The following NBEAL1 variants were observed in gnomAD, a reference collection of about 807,000 sequenced individuals.
NBEAL1 encodes neurobeachin-like protein 1.
In NBEAL1, 273 loss-of-function variants were observed where a neutral mutation model predicts 351.3. That is an observed-to-expected ratio of 0.78 (90% confidence interval 0.70 to 0.86). NBEAL1 has a LOEUF of 0.86. NBEAL1 is among the 40% of genes least tolerant of loss of function. NBEAL1 has a pLI of 0.00. For missense variants in NBEAL1, 2,961 were observed against 3,201.3 expected (o/e 0.92, Z 1.81); for synonymous variants, 1,050 against 1,086.4 (o/e 0.97, Z 0.66).
At chr2:203,144,466 A>C in intron 31 of NBEAL1, 134 bp from the exon 32 acceptor site, 1 of 789,624 alleles carries the variant, frequency 1.3e-6, no homozygotes, top group Non-Finnish European at 2.0e-6. Flanking sequence ...TTGGAGGCAA[A>C]GTAACATCTG....
chr2:203,139,521 A>T (rs2063309361), intron 31 of NBEAL1, among the ~76,000 whole-genome samples: 1 of 137,506 alleles, frequency 7.3e-6, no homozygotes, highest in Non-Finnish European at 1.5e-5. Context: ...GAACATGGAG[A>T]GGTTAAAATT....
chr2:203,200,065 C>T, intron 49 of NBEAL1, among the ~76,000 whole-genome samples: 1 of 152,118 alleles, frequency 6.6e-6, no homozygotes, highest in Non-Finnish European at 1.5e-5. Context: ...TGTTTGTTTG[C>T]TTATATTTTT....
At chr2:203,032,275 T>G (rs1463947544) in intron 2 of NBEAL1, among the ~76,000 whole-genome samples, 1 of 151,944 alleles carries the variant, frequency 6.6e-6, no homozygotes, top group Admixed American at 6.6e-5. Context: ...TAAGAAACAG[T>G]GAGATAATAA....
In NBEAL1 at chr2:203,107,868, C is replaced by G. The variant is rs1413857975; in HGVS notation, c.1629C>G (p.Ile543Met). ...HQTCAENLIA[I>M]HGSLGSQSVS... ...CTTGTGCTGAGAACTTGATTGCAAT[C>G]CATGGTTCCTTGGGGAGTCAGTCAG... Residue 543 changes from isoleucine (I) to methionine (M), a missense_variant, in exon 14 of 56, where the codon ATC becomes ATG. By Grantham distance (10) the Ile-to-Met change is conservative. Transcript: ENST00000683969. 6.4e-7 allele frequency: 1 copy of G among 1,554,342 alleles called. No individual in the cohort carries two copies. Among genetic ancestry groups the G allele is most frequent in the Non-Finnish European group, 8.7e-7 (1 of 1,147,746 alleles).
At chr2:203,016,583 T>A (rs2060684151) in intron 2 of NBEAL1, 148 bp downstream of exon 2, 2 of 477,196 alleles carry the variant, frequency 4.2e-6, no homozygotes, top group Non-Finnish European at 6.9e-6. Flanking sequence ...GGATTTTCTG[T>A]TTTCCTCTTT....
At chr2:203,096,093 G>C (rs1348464771) in intron 10 of NBEAL1, among the ~76,000 whole-genome samples, 3 of 152,148 alleles carry the variant, frequency 2.0e-5, no homozygotes, top group African/African-American at 7.2e-5. Context: ...TTATGTGCCA[G>C]ATACTATGCT....
At chr2:203,116,168 G>A in intron 18 of NBEAL1, 98 bp downstream of exon 18, 1 of 840,970 alleles carries the variant, frequency 1.2e-6, no homozygotes, top group South Asian at 1.6e-5. Flanking sequence ...GTAATTAAAA[G>A]GAGGGGTTTG....
intron 10 of NBEAL1, among the ~76,000 whole-genome samples, chr2:203,092,471 A>G (rs2062086497): frequency 6.6e-6 from 1 of 152,068 alleles, no homozygotes; most frequent in South Asian, 2.1e-4. Context: ...AGGCTGAGGC[A>G]GAACAGTTGC....
At chr2:203,074,317 C>CTTTTTTTTTTTTTTTTTTTTTTTTTTT in intron 7 of NBEAL1, among the ~76,000 whole-genome samples, 1 of 98,336 alleles carries the variant, frequency 1.0e-5, no homozygotes, top group Non-Finnish European at 2.0e-5. Flanking sequence ...TTTCTTTCTT[C>CTTTTTTTTTTTTTTTTTTTTTTTTTTT]TTTTTTTTTT....
chr2:203,214,730 G>A (rs1337862258), intron 55 of NBEAL1, among the ~76,000 whole-genome samples: 2 of 152,162 alleles, frequency 1.3e-5, no homozygotes, highest in African/African-American at 2.4e-5. Context: ...AGCGGATATC[G>A]TGCTGCTGCA....
intron 54 of NBEAL1, among the ~76,000 whole-genome samples, chr2:203,212,513 C>T (rs968334887): frequency 6.7e-6 from 1 of 149,440 alleles, no homozygotes; most frequent in African/African-American, 2.5e-5. Flanking sequence ...GAGCCTGAGG[C>T]AGGAGAATCA....
intron 4 of NBEAL1, among the ~76,000 whole-genome samples, chr2:203,052,106 A>T (rs1275381513): frequency 1.3e-5 from 2 of 152,148 alleles, no homozygotes; most frequent in African/African-American, 4.8e-5. Flanking sequence ...TTATGTTGTC[A>T]TATATAAATT....
intron 3 of NBEAL1, among the ~76,000 whole-genome samples, chr2:203,046,198 A>G (rs2061222094): frequency 6.8e-6 from 1 of 146,088 alleles, no homozygotes; most frequent in African/African-American, 2.5e-5. Context: ...TTTTTAAGGA[A>G]CAACAGTAGA....
chr2:203,193,369 G>A (rs934547603), intron 46 of NBEAL1, among the ~76,000 whole-genome samples: 43 of 152,072 alleles, frequency 2.8e-4, no homozygotes, highest in African/African-American at 1.0e-3. Context: ...AGCATCTAAC[G>A]TGTAAGATAC....
chr2:203,197,115 A>G (rs193178923), intron 47 of NBEAL1, among the ~76,000 whole-genome samples, 187 bp from the exon 48 acceptor site: 38 of 152,292 alleles, frequency 2.5e-4, no homozygotes, highest in African/African-American at 8.9e-4. Flanking sequence ...GGTTTCAGAA[A>G]TTTCAAGTAT....
intron 2 of NBEAL1, among the ~76,000 whole-genome samples, chr2:203,017,999 T>G (rs2060707513): frequency 6.6e-6 from 1 of 152,222 alleles, no homozygotes; most frequent in East Asian, 1.9e-4. Context: ...TTCACTTGTT[T>G]TCAAAGAATA....
chr2:203,154,028 G>A (rs1021396658), intron 35 of NBEAL1, among the ~76,000 whole-genome samples: 2 of 151,658 alleles, frequency 1.3e-5, no homozygotes, highest in African/African-American at 4.8e-5. Context: ...GGCGGATCAC[G>A]AGGTCAGGAG....
Position 203,122,235 on chromosome 2 carries a change from A to AT in NBEAL1, c.2593-14dup. On this transcript the variant is annotated intron_variant, in intron 18 of 55. Coordinates refer to ENST00000683969, the MANE Select transcript of NBEAL1 (RefSeq NM_001378026.1). ...TTTGTTCTAATTGGTTGTTTGCCAT[A>AT]TTTTTCTTTTATTCTTAGGCCTGCA... 1 of 1,412,682 alleles carries AT rather than the reference A, an allele frequency of 7.1e-7. No homozygotes were observed. The highest frequency in any genetic ancestry group is 9.6e-7 in the Non-Finnish European group (1 of 1,041,682). 87.5% of individuals were successfully genotyped at this position (1,412,682 alleles called of 1,614,324 possible).
intron 35 of NBEAL1, among the ~76,000 whole-genome samples, chr2:203,154,002 T>C (rs2063731042): frequency 6.6e-6 from 1 of 151,948 alleles, no homozygotes; most frequent in African/African-American, 2.4e-5. Context: ...TCCCAGCACT[T>C]TGGGAGGCGG....
Sources: gnomAD v4.1 joint callset for allele counts (sites outside exome capture counted in the v4.1 genomes callset) on GRCh38, gnomAD v4.1.1 for gene constraint, MANE v1.5 for transcripts, NCBI Gene and HGNC (gene_info 2026-07-23, HGNC 2026-07-21) for gene names.